The following QKI variants were observed in gnomAD, a reference collection of about 807,000 sequenced individuals.
QKI encodes KH domain-containing RNA-binding protein QKI.
QKI carries 10 observed loss-of-function variants against 39.0 expected under a neutral mutation model. The observed-to-expected ratio is 0.26, with a 90% CI of 0.16 to 0.43. QKI has a LOEUF of 0.43. Among genes scored for constraint, QKI ranks in the 20% least tolerant of loss-of-function variants. The probability of loss-of-function intolerance (pLI) is 1.00; values close to 1 mark genes in which losing one functional copy is unlikely to be tolerated. For missense variants in QKI, 218 were observed against 428.0 expected, an observed-to-expected ratio of 0.51 and a Z score of 4.33; for synonymous variants, 204 against 155.4, an observed-to-expected ratio of 1.31 and a Z score of -2.33.
In QKI at chr6:163,415,005, C is replaced by A; in HGVS notation, c.-189C>A. 2.3e-6 allele frequency: 1 copy of A among 441,698 alleles called. No individual in the cohort carries two copies. The highest frequency in any genetic ancestry group is 3.0e-6 in the Non-Finnish European group (1 of 336,082). The allele number at this position is 441,698 out of a possible 1,614,324, so 27.4% of individuals were successfully genotyped here. On this transcript the variant is annotated 5_prime_UTR_variant, in exon 1 of 8. Coordinates refer to ENST00000361752, the MANE Select transcript of QKI (RefSeq NM_006775.3). ...GCGCGTCGGGCCCGGGCGGAAAGTGCCTGCGGGGGGCGGGCGAGCGCGCGG... is the reference window on the plus strand; with the variant it reads ...GCGCGTCGGGCCCGGGCGGAAAGTGACTGCGGGGGGCGGGCGAGCGCGCGG...
intron 2 of QKI, among the ~76,000 whole-genome samples, chr6:163,463,281 G>A (rs910921169): frequency 1.3e-5 from 2 of 152,176 alleles, no homozygotes; most frequent in Non-Finnish European, 2.9e-5. Flanking sequence ...CAACCTAGGT[G>A]TTCTAGGATT....
intron 4 of QKI, among the ~76,000 whole-genome samples, chr6:163,548,582 T>C (rs557848709): frequency 2.0e-5 from 3 of 152,180 alleles, no homozygotes; most frequent in Non-Finnish European, 4.4e-5. Context: ...AACTGTTTTT[T>C]AAAAGATTGT....
chr6:163,419,756 A>C (rs1375954532), intron 1 of QKI, among the ~76,000 whole-genome samples: 1 of 152,160 alleles, frequency 6.6e-6, no homozygotes, highest in African/African-American at 2.4e-5. Flanking sequence ...TTTTGTAGTA[A>C]AAGTTGTATC....
At chr6:163,568,236 T>G in intron 7 of QKI, 1 of 984,694 alleles carries the variant, frequency 1.0e-6, no homozygotes, top group Non-Finnish European at 1.2e-6. Flanking sequence ...TAAAGAGTAT[T>G]TTAAAGTAGT....
chr6:163,553,497 C>G (rs1323857039), intron 4 of QKI, among the ~76,000 whole-genome samples: 1 of 151,974 alleles, frequency 6.6e-6, no homozygotes, highest in Non-Finnish European at 1.5e-5. Context: ...ACCATATCAT[C>G]TAATAATATC....
At chr6:163,509,809 T>G (rs1779323354) in intron 3 of QKI, among the ~76,000 whole-genome samples, 1 of 151,952 alleles carries the variant, frequency 6.6e-6, no homozygotes, top group Non-Finnish European at 1.5e-5. Flanking sequence ...AGAAAAACAG[T>G]AGTAAAAATG....
chr6:163,494,121 C>CA (rs1212248619), intron 3 of QKI, among the ~76,000 whole-genome samples: 1 of 151,636 alleles, frequency 6.6e-6, no homozygotes, highest in Non-Finnish European at 1.5e-5. Context: ...AACCACAGAT[C>CA]AAAAAATATT....
chr6:163,425,689 A>G (rs1788352001), intron 1 of QKI, among the ~76,000 whole-genome samples: 1 of 152,170 alleles, frequency 6.6e-6, no homozygotes, highest in Admixed American at 6.5e-5. Context: ...TTAACTAGAA[A>G]CAAGTCTTTG....
intron 3 of QKI, among the ~76,000 whole-genome samples, chr6:163,530,838 TGTG>T (rs946781546): frequency 3.3e-5 from 5 of 152,190 alleles, no homozygotes; most frequent in African/African-American, 1.2e-4. Context: ...ATTTATTCCT[TGTG>T]GTGAAAACTC....
chr6:163,469,216 C>T (rs1489500856), intron 2 of QKI, among the ~76,000 whole-genome samples: 3 of 151,982 alleles, frequency 2.0e-5, no homozygotes, highest in Non-Finnish European at 2.9e-5. Context: ...TGATGTGGTT[C>T]CAGCCAAGGA....
intron 5 of QKI, 111 bp from the exon 6 acceptor site, chr6:163,563,309 T>C: frequency 1.9e-6 from 2 of 1,054,212 alleles, no homozygotes; most frequent in Non-Finnish European, 2.7e-6. Context: ...TGATTTCCTT[T>C]TATTTTTCTT....
chr6:163,558,458 G>A (rs967173071), intron 4 of QKI, among the ~76,000 whole-genome samples: 1 of 147,164 alleles, frequency 6.8e-6, no homozygotes, highest in African/African-American at 2.5e-5. Flanking sequence ...GGAGTGCAAC[G>A]GCGCGATGTC....
chr6:163,563,323 T>C (rs1783146105), intron 5 of QKI, 97 bp from the exon 6 acceptor site: 4 of 1,171,134 alleles, frequency 3.4e-6, no homozygotes, highest in Admixed American at 2.5e-5. Context: ...TTTTCTTCTT[T>C]CCTGCTTTTC....
intron 1 of QKI, among the ~76,000 whole-genome samples, chr6:163,418,111 A>G (rs184622601): frequency 3.3e-5 from 5 of 150,278 alleles, no homozygotes; most frequent in Admixed American, 2.6e-4. Context: ...TTTTTTGCCT[A>G]TAATGCTTGG....
At chr6:163,481,792 T>C (rs573410788) in intron 3 of QKI, among the ~76,000 whole-genome samples, 3 of 152,322 alleles carry the variant, frequency 2.0e-5, no homozygotes, top group South Asian at 4.1e-4. Flanking sequence ...AAAACTATTA[T>C]GAACTTCTTG....
chr6:163,506,273 C>T (rs1422718551), intron 3 of QKI, among the ~76,000 whole-genome samples: 1 of 152,084 alleles, frequency 6.6e-6, no homozygotes, highest in East Asian at 1.9e-4. Flanking sequence ...GTGAGATTTT[C>T]CCAATTGAAT....
intron 4 of QKI, among the ~76,000 whole-genome samples, chr6:163,535,382 C>G (rs938670114): frequency 2.6e-5 from 4 of 151,992 alleles, no homozygotes; most frequent in African/African-American, 9.7e-5. Context: ...TTTGTGTTAT[C>G]AGTTCTCCTT....
At chr6:163,534,250 C>G (rs1267272253) in intron 3 of QKI, among the ~76,000 whole-genome samples, 2 of 152,118 alleles carry the variant, frequency 1.3e-5, no homozygotes, top group Non-Finnish European at 2.9e-5. Context: ...TAGATATTCT[C>G]TATGAAACTA....
intron 7 of QKI, chr6:163,569,611 A>G: frequency 9.9e-7 from 1 of 1,014,896 alleles, no homozygotes; most frequent in Non-Finnish European, 1.2e-6. Context: ...TGGGAATGAT[A>G]ACTTTTCCAC....
Sources: gnomAD v4.1 joint callset for allele counts (sites outside exome capture counted in the v4.1 genomes callset) on GRCh38, gnomAD v4.1.1 for gene constraint, MANE v1.5 for transcripts, NCBI Gene and HGNC (gene_info 2026-07-23, HGNC 2026-07-21) for gene names.